SNX32: variants seen among roughly 807,000 people sequenced by gnomAD.
The protein encoded by SNX32 is sorting nexin 32.
In SNX32, 58 loss-of-function variants were observed where a neutral mutation model predicts 57.0. That is an observed-to-expected ratio of 1.02 (90% CI 0.82 to 1.27). The LOEUF is 1.27. Ranked by LOEUF, SNX32 falls within the 50% of genes most tolerant of loss-of-function variation. SNX32 has a pLI of 0.00. For missense variants in SNX32, 589 were observed against 541.2 expected, an observed-to-expected ratio of 1.09 and a Z score of -0.88; for synonymous variants, 262 against 220.4, an observed-to-expected ratio of 1.19 and a Z score of -1.67.
chr11:65,850,832 A>G lies in SNX32; in HGVS notation c.580A>G (p.Ile194Val), dbSNP rs767332762. The change falls in exon 6 of 13, where the codon ATC becomes GTC. Residue 194 changes from isoleucine to valine, a missense_variant. By Grantham distance (29) the Ile-to-Val change is conservative. Coordinates refer to ENST00000308342, the MANE Select transcript of SNX32 (RefSeq NM_152760.3). ...NIVKSADEALITGMSGLKEVD... is the reference protein window; with the variant it reads ...NIVKSADEALVTGMSGLKEVD... ...TGTGAAGTCCGCGGATGAAGCCCTCATCACGGGCATGTCAGGGCTCAAGGT... is the reference window on the plus strand; with the variant it reads ...TGTGAAGTCCGCGGATGAAGCCCTCGTCACGGGCATGTCAGGGCTCAAGGT... The G allele has an allele frequency of 6.8e-6, 11 of 1,613,980 alleles. No individual in the cohort carries two copies. The East Asian group carries it at 2.2e-4, about 33-fold the overall frequency.
chr11:65,838,837 A>C (rs956522281), intron 1 of SNX32, among the ~76,000 whole-genome samples: 2 of 152,176 alleles, frequency 1.3e-5, no homozygotes, highest in Non-Finnish European at 2.9e-5. Flanking sequence ...AAATATTGGA[A>C]ATTAAGCAAC....
At position 65,853,386 on chromosome 11, in the gene SNX32, T is replaced by C; in HGVS notation, c.*51T>C. The C allele has an allele frequency of 6.4e-7, 1 of 1,574,684 alleles. No homozygotes were observed. Among genetic ancestry groups the C allele is most frequent in the Non-Finnish European group, 8.7e-7 (1 of 1,144,866 alleles). On this transcript the variant is annotated 3_prime_UTR_variant, in exon 13 of 13. Coordinates refer to ENST00000308342, the MANE Select transcript of SNX32 (RefSeq NM_152760.3). ...AATCTGGGATCTCCAGTGACCAGGG[T>C]ATCCCAGACCCCTCTCTCCGGCAAG...
At position 65,852,530 on chromosome 11, in the gene SNX32, G is replaced by A. The variant is rs1859234274; in HGVS notation, c.891G>A (p.Met297Ile). Residue 297 changes from methionine (M) to isoleucine (I), a missense_variant, in exon 10 of 13, where the codon ATG becomes ATA. Transcript: ENST00000308342. ...LKLSDMLRYY[M>I]RDSQAAKDLL... Reference sequence around the variant, plus strand: ...TGTCAGACATGCTGAGGTACTACATGCGTGACTCACAGGCAGCCAAGGTGA... The same window carrying A: ...TGTCAGACATGCTGAGGTACTACATACGTGACTCACAGGCAGCCAAGGTGA... 6.2e-7 allele frequency: 1 copy of A among 1,614,204 alleles called. No homozygotes were observed. Among genetic ancestry groups the A allele is most frequent in the Non-Finnish European group, 8.5e-7 (1 of 1,180,038 alleles).
chr11:65,839,901 G>A (rs1410954816), intron 1 of SNX32, among the ~76,000 whole-genome samples: 1 of 152,008 alleles, frequency 6.6e-6, no homozygotes, highest in Non-Finnish European at 1.5e-5. Flanking sequence ...GCTCACGCCT[G>A]TAATCCCAGC....
At position 65,850,807 on chromosome 11, in the gene SNX32, T is replaced by C. The variant is rs145778187; in HGVS notation, c.555T>C (p.Ile185=). 12 of 1,613,936 alleles carry C rather than the reference T, an allele frequency of 7.4e-6. No individual in the cohort carries two copies. Among genetic ancestry groups the C allele is most frequent in the African/African-American group, 1.3e-5 (1 of 74,878 alleles). Reference sequence around the variant, plus strand: ...TCCTCGGAGGGTTTCTGAGGAATATTGTGAAGTCCGCGGATGAAGCCCTCA... The same window carrying C: ...TCCTCGGAGGGTTTCTGAGGAATATCGTGAAGTCCGCGGATGAAGCCCTCA... ...KELLGGFLRN[I]VKSADEALIT... Residue 185 remains isoleucine (I), a synonymous_variant, in exon 6 of 13, where the codon ATT becomes ATC. Transcript: ENST00000308342.
chr11:65,839,706 C>G (rs1195096456), intron 1 of SNX32, among the ~76,000 whole-genome samples: 1 of 148,372 alleles, frequency 6.7e-6, no homozygotes, highest in Admixed American at 6.9e-5. Context: ...GCACTCTAGC[C>G]TGGGTGACAC....
chr11:65,849,504 G>A lies in SNX32; in HGVS notation c.63G>A (p.Gln21=). 1.2e-6 allele frequency: 2 copies of A among 1,613,488 alleles called. No homozygotes were observed. Among genetic ancestry groups the A allele is most frequent in the Non-Finnish European group, 1.7e-6 (2 of 1,179,560 alleles). ...GKPSCASVDL[Q]GDSSLQVEIS... Reference sequence around the variant, plus strand: ...CTTCCTGTGCATCGGTGGATCTGCAGGGAGACAGCTCCTTACAGGTGGAGA... The same window carrying A: ...CTTCCTGTGCATCGGTGGATCTGCAAGGAGACAGCTCCTTACAGGTGGAGA... The change falls in exon 2 of 13, where the codon CAG becomes CAA. Residue 21 remains glutamine (Q), a synonymous_variant. Transcript: ENST00000308342.
chr11:65,839,228 T>TTTTTTTTTTTTGTTTG, intron 1 of SNX32, among the ~76,000 whole-genome samples: 1 of 15,220 alleles, frequency 6.6e-5, no homozygotes, highest in Non-Finnish European at 1.8e-4. Flanking sequence ...TTTTTGTATT[T>TTTTTTTTTTTTGTTTG]TTTTTTTTTT....
At chr11:65,847,803 A>C (rs1353463475) in intron 1 of SNX32, among the ~76,000 whole-genome samples, 1 of 151,992 alleles carries the variant, frequency 6.6e-6, no homozygotes, top group East Asian at 1.9e-4. Context: ...CCAGCTACTC[A>C]GGAGGCTGAG....
At chr11:65,834,484 G>A (rs566439899) in intron 1 of SNX32, among the ~76,000 whole-genome samples, 2 of 148,574 alleles carry the variant, frequency 1.3e-5, no homozygotes, top group African/African-American at 2.5e-5. Flanking sequence ...GCACGTATGC[G>A]TCCATGTGGG....
In SNX32 at chr11:65,853,302, G is replaced by GA. The variant is rs762041317; in HGVS notation, c.1181dup (p.Asn394LysfsTer13). The GA allele has an allele frequency of 1.2e-6, 2 of 1,614,086 alleles. No individual in the cohort carries two copies. The highest frequency in any genetic ancestry group is 8.5e-7 in the Non-Finnish European group (1 of 1,179,990). On this transcript the variant is annotated frameshift_variant, in exon 13 of 13. Coordinates refer to ENST00000308342, the MANE Select transcript of SNX32 (RefSeq NM_152760.3). LOFTEE classifies it high-confidence loss of function. ...TGCAGGCCAGCACCCTGATTCTCCGGAACACCCTTGTTGCCCTAAAGGGGG... is the reference window on the plus strand; with the variant it reads ...TGCAGGCCAGCACCCTGATTCTCCGGAAACACCCTTGTTGCCCTAAAGGGGG...
At chr11:65,835,464 CATGTAATG>C (rs1420982645) in intron 1 of SNX32, 2 of 152,148 alleles carry the variant, frequency 1.3e-5, no homozygotes, top group African/African-American at 2.4e-5. Context: ...GTTCTGAGTT[CATGTAATG>C]ATAAGACCAT....
Position 65,850,860 on chromosome 11 carries a change from C to A in SNX32, c.603+5C>A, listed in dbSNP as rs142463563. On this transcript the variant is annotated splice_donor_5th_base_variant and intron_variant, in intron 6 of 12. Coordinates refer to ENST00000308342, the MANE Select transcript of SNX32 (RefSeq NM_152760.3). ...ACGGGCATGTCAGGGCTCAAGGTAACCCCTGGTGCTCCTCTCCGGATTCAA... is the reference window on the plus strand; with the variant it reads ...ACGGGCATGTCAGGGCTCAAGGTAAACCCTGGTGCTCCTCTCCGGATTCAA... 2 of 1,611,256 alleles carry A rather than the reference C, an allele frequency of 1.2e-6. No homozygotes were observed. Among genetic ancestry groups the A allele is most frequent in the South Asian group, 1.1e-5 (1 of 90,852 alleles).
chr11:65,850,030 C>A lies in SNX32; in HGVS notation c.252C>A (p.Ile84=). 1 of 1,614,058 alleles carries A rather than the reference C, an allele frequency of 6.2e-7. No homozygotes were observed. The highest frequency in any genetic ancestry group is 8.5e-7 in the Non-Finnish European group (1 of 1,179,922). ...YVENEEYAGL[I]IPPAPPRPDF... ...AGAATGAGGAGTACGCCGGCCTCATCGTGAGGAGGGGCTGGGCAGGGGCTG... is the reference window on the plus strand; with the variant it reads ...AGAATGAGGAGTACGCCGGCCTCATAGTGAGGAGGGGCTGGGCAGGGGCTG... Residue 84 remains isoleucine, a splice_region_variant and synonymous_variant, in exon 3 of 13, where the codon ATC becomes ATA. Transcript: ENST00000308342.
intron 1 of SNX32, among the ~76,000 whole-genome samples, chr11:65,846,960 G>A (rs1859015564): frequency 6.6e-6 from 1 of 151,734 alleles, no homozygotes; most frequent in Non-Finnish European, 1.5e-5. Flanking sequence ...TCCAGCCTGG[G>A]CAACAAGAGT....
rs1168882508 is a variant in SNX32 at position 65,839,225 on chromosome 11, A to ATTTTTT, written c.36+5141_36+5146dup. ...CACCACGCCCAGCTAATTTTTTTGT[A>ATTTTTT]TTTTTTTTTTTTTTTTTTTTTTGAG... On this transcript the variant is annotated intron_variant, in intron 1 of 12. Transcript: ENST00000308342. Among the ~76,000 whole-genome samples the ATTTTTT allele has an allele frequency of 3.3e-3, 91 of 27,596 alleles. 13 individuals are homozygous for ATTTTTT. Among genetic ancestry groups the ATTTTTT allele is most frequent in the African/African-American group, 7.8e-3 (52 of 6,628 alleles). 18.1% of individuals were successfully genotyped at this position (27,596 alleles called of 152,430 possible). A position where few individuals can be genotyped will look rare whatever the true frequency, so the allele number is the denominator to read the frequency against.
intron 1 of SNX32, among the ~76,000 whole-genome samples, chr11:65,844,967 A>C (rs1858947846): frequency 4.5e-4 from 1 of 2,232 alleles, no homozygotes; most frequent in African/African-American, 4.7e-4. Context: ...CTCTGTCTCA[A>C]AAAAAAAAAA....
chr11:65,852,804 C>G lies in SNX32; in HGVS notation c.1072+15C>G. On this transcript the variant is annotated intron_variant, in intron 11 of 12. Transcript: ENST00000308342. ...CGCCAAGCAAGGTGAGCCCGCAGCC[C>G]CCAGCCCCAGCCTGGGGCCACATGC... The G allele has an allele frequency of 1.9e-6, 3 of 1,610,908 alleles. No homozygotes were observed. The highest frequency in any genetic ancestry group is 1.7e-6 in the Non-Finnish European group (2 of 1,177,712).
At chr11:65,841,008 C>T (rs1353519959) in intron 1 of SNX32, among the ~76,000 whole-genome samples, 3 of 148,682 alleles carry the variant, frequency 2.0e-5, no homozygotes, top group East Asian at 2.0e-4. Flanking sequence ...TGCAATGGTG[C>T]GATCTTGTTT....
Sources: gnomAD v4.1 joint callset for allele counts (sites outside exome capture counted in the v4.1 genomes callset) on GRCh38, gnomAD v4.1.1 for gene constraint, MANE v1.5 for transcripts, NCBI Gene and HGNC (gene_info 2026-07-23, HGNC 2026-07-21) for gene names.